Variants in FCHO2 observed in about 807,000 individuals in gnomAD.
FCHO2 encodes FCH and mu domain containing endocytic adaptor 2, also known as F-BAR domain only protein 2.
Under a neutral mutation model 114.1 loss-of-function variants are expected in FCHO2, and 43 were observed. That is an observed-to-expected ratio of 0.38 (90% confidence interval 0.30 to 0.49). FCHO2 has a LOEUF of 0.49. Among genes scored for constraint, FCHO2 ranks in the 20% least tolerant of loss-of-function variants. The pLI, the probability that FCHO2 is intolerant of heterozygous loss-of-function variation, is 0.97. For missense variants in FCHO2, 807 were observed against 950.4 expected (o/e 0.85, Z 1.98); for synonymous variants, 293 against 315.2 (o/e 0.93, Z 0.75).
intron 6 of FCHO2, among the ~76,000 whole-genome samples, chr5:73,007,136 C>T (rs1391083000): frequency 1.3e-5 from 2 of 152,104 alleles, no homozygotes; most frequent in East Asian, 1.9e-4. Flanking sequence ...TCTTACATAC[C>T]AAGAATTTTA....
chr5:73,085,882 T>C (rs1230760897), intron 24 of FCHO2, among the ~76,000 whole-genome samples: 2 of 151,852 alleles, frequency 1.3e-5, no homozygotes, highest in Non-Finnish European at 2.9e-5. Flanking sequence ...CCCAGCACTT[T>C]GGGAGGCTGA....
chr5:73,031,140 T>C (rs1756221530), intron 8 of FCHO2, among the ~76,000 whole-genome samples: 1 of 152,176 alleles, frequency 6.6e-6, no homozygotes, highest in South Asian at 2.1e-4. Context: ...GCCTGGCCTA[T>C]CATCCCAGGC....
intron 1 of FCHO2, among the ~76,000 whole-genome samples, chr5:72,964,325 T>C (rs1752058135): frequency 6.6e-6 from 1 of 152,206 alleles, no homozygotes; most frequent in Non-Finnish European, 1.5e-5. Flanking sequence ...CCAACAAATA[T>C]GTTTGAGTCA....
intron 24 of FCHO2, among the ~76,000 whole-genome samples, chr5:73,085,105 C>T (rs1281117485): frequency 6.6e-6 from 1 of 152,162 alleles, no homozygotes; most frequent in Non-Finnish European, 1.5e-5. Flanking sequence ...AATCCCAGCA[C>T]TTTGGGAGGC....
chr5:72,997,719 C>T (rs1754200813), intron 5 of FCHO2: 1 of 1,495,142 alleles, frequency 6.7e-7, no homozygotes, highest in African/African-American at 1.4e-5. Context: ...GTTTGATGCC[C>T]TGTCCAATGT....
chr5:73,084,994 T>C (rs575999545), intron 24 of FCHO2, among the ~76,000 whole-genome samples: 18 of 152,316 alleles, frequency 1.2e-4, no homozygotes, highest in African/African-American at 4.3e-4. Flanking sequence ...AGGATCTTTT[T>C]CCCCAATATA....
intron 5 of FCHO2, among the ~76,000 whole-genome samples, chr5:73,005,493 C>T (rs1278042331): frequency 6.6e-6 from 1 of 152,142 alleles, no homozygotes; most frequent in African/African-American, 2.4e-5. Context: ...CATCTGTTAC[C>T]TCGTCAAGAA....
intron 24 of FCHO2, 67 bp downstream of exon 24, chr5:73,082,892 TA>T (rs1429202167): frequency 4.2e-5 from 40 of 959,138 alleles, no homozygotes; most frequent in East Asian, 1.0e-4. Flanking sequence ...TTTTTTTTTT[TA>T]AAACAGAGTC....
intron 18 of FCHO2, among the ~76,000 whole-genome samples, 178 bp downstream of exon 18, chr5:73,064,122 T>A (rs1368693083): frequency 3.9e-5 from 6 of 152,090 alleles, no homozygotes; most frequent in Non-Finnish European, 7.4e-5. Flanking sequence ...ACAGTGATCA[T>A]ACCTGTGAGA....
rs190877534 is a variant in FCHO2, at chr5:72,956,606, G to T, written c.33+477G>T. On this transcript the variant is annotated intron_variant, in intron 1 of 25. Coordinates refer to ENST00000430046, the MANE Select transcript of FCHO2 (RefSeq NM_138782.3). ...CTGAGCGATCCCTTTTACCTCTGAC[G>T]GTTTCCACACCAAATCCAGTGCGGG... Among the ~76,000 whole-genome samples the T allele has an allele frequency of 1.5e-3, 230 of 152,302 alleles. 2 individuals carry two copies. Among genetic ancestry groups the T allele is most frequent in the Non-Finnish European group, 2.3e-3 (159 of 68,020 alleles).
chr5:72,970,779 C>T (rs916456876), intron 2 of FCHO2, among the ~76,000 whole-genome samples: 4 of 151,828 alleles, frequency 2.6e-5, no homozygotes, highest in Admixed American at 2.6e-4. Context: ...ATACATGTGC[C>T]GTGCTGGTGC....
At chr5:72,973,762 T>C (rs1188012186) in intron 2 of FCHO2, among the ~76,000 whole-genome samples, 1 of 151,586 alleles carries the variant, frequency 6.6e-6, no homozygotes, top group Non-Finnish European at 1.5e-5. Flanking sequence ...ATGTGTTTGC[T>C]CTTGCTTTTC....
At chr5:73,081,024 T>G (rs1051145829) in intron 22 of FCHO2, among the ~76,000 whole-genome samples, 16 of 152,110 alleles carry the variant, frequency 1.1e-4, no homozygotes, top group Admixed American at 3.3e-4. Flanking sequence ...GAGGGAGGAT[T>G]GCTCGAGCCC....
intron 8 of FCHO2, among the ~76,000 whole-genome samples, chr5:73,023,249 G>A (rs1044458101): frequency 6.6e-6 from 1 of 152,198 alleles, no homozygotes; most frequent in Non-Finnish European, 1.5e-5. Flanking sequence ...TATTTCAGGT[G>A]TAGGATTTAA....
chr5:73,077,885 A>C (rs12173107), intron 21 of FCHO2, among the ~76,000 whole-genome samples: 45,288 of 151,972 alleles, frequency 0.3, 6,979 homozygotes, highest in East Asian at 0.44. Flanking sequence ...CTTTGAAATA[A>C]TAATATTCAA....
At chr5:73,025,500 TC>T (rs1481025169) in intron 8 of FCHO2, among the ~76,000 whole-genome samples, 1 of 151,610 alleles carries the variant, frequency 6.6e-6, no homozygotes, top group Non-Finnish European at 1.5e-5. Flanking sequence ...TGCCTCATCC[TC>T]CCTAATAGCT....
chr5:73,001,244 T>TA (rs1040293841), intron 5 of FCHO2, among the ~76,000 whole-genome samples: 4 of 151,466 alleles, frequency 2.6e-5, no homozygotes, highest in Non-Finnish European at 1.5e-5. Flanking sequence ...AAAAAGTTTT[T>TA]AAAAAAATTA....
intron 13 of FCHO2, 70 bp downstream of exon 13, chr5:73,052,577 A>G (rs897386743): frequency 1.5e-5 from 18 of 1,214,656 alleles, no homozygotes; most frequent in Middle Eastern, 2.3e-4. Context: ...TGTCTGGTCA[A>G]ACATTACTTA....
chr5:73,011,941 A>G (rs1167530479), intron 6 of FCHO2, among the ~76,000 whole-genome samples: 4 of 152,078 alleles, frequency 2.6e-5, no homozygotes, highest in Admixed American at 2.6e-4. Flanking sequence ...GCCTATGGTA[A>G]CAAAGCCTTC....
Sources: gnomAD v4.1 joint callset for allele counts (sites outside exome capture counted in the v4.1 genomes callset) on GRCh38, gnomAD v4.1.1 for gene constraint, MANE v1.5 for transcripts, NCBI Gene and HGNC (gene_info 2026-07-23, HGNC 2026-07-21) for gene names.